Variants in SGCZ observed in about 807,000 individuals in gnomAD.
SGCZ encodes the protein sarcoglycan zeta.
In SGCZ, 40 loss-of-function variants were observed where a neutral mutation model predicts 41.3. The ratio of observed to expected loss-of-function variants is 0.97; its 90% CI spans 0.75 to 1.26. The LOEUF is 1.26. Among genes scored for constraint, SGCZ ranks in the 50% most tolerant of loss-of-function variants. The pLI is 0.00. For synonymous variants in SGCZ, 206 were observed against 137.5 expected, an observed-to-expected ratio of 1.50 and a Z score of -3.49; for missense variants, 552 against 369.8, an observed-to-expected ratio of 1.49 and a Z score of -4.04.
At chr8:14,958,259 G>A (rs988817169) in intron 1 of SGCZ, among the ~76,000 whole-genome samples, 1 of 151,870 alleles carries the variant, frequency 6.6e-6, no homozygotes, top group Admixed American at 6.6e-5. Context: ...TTACCCAAGA[G>A]AAAATATGTA....
At chr8:14,984,964 C>G (rs1392163055) in intron 1 of SGCZ, among the ~76,000 whole-genome samples, 1 of 152,074 alleles carries the variant, frequency 6.6e-6, no homozygotes, top group Non-Finnish European at 1.5e-5. Flanking sequence ...TCTGTAGATT[C>G]CAACAACAAC....
At chr8:14,962,364 A>G (rs1231793655) in intron 1 of SGCZ, among the ~76,000 whole-genome samples, 1 of 150,912 alleles carries the variant, frequency 6.6e-6, no homozygotes, top group Admixed American at 6.6e-5. Context: ...AAAAAAGGGG[A>G]AAAAGTCAAA....
chr8:14,290,023 G>A (rs750799864), intron 3 of SGCZ, among the ~76,000 whole-genome samples: 21 of 151,880 alleles, frequency 1.4e-4, no homozygotes, highest in African/African-American at 2.4e-4. Context: ...GCATTATCAC[G>A]AGAACAGCAT....
At chr8:14,731,613 T>G (rs1032422718) in intron 1 of SGCZ, among the ~76,000 whole-genome samples, 1 of 152,196 alleles carries the variant, frequency 6.6e-6, no homozygotes, top group Non-Finnish European at 1.5e-5. Context: ...GTAATCATGT[T>G]TTACCACATT....
chr8:14,095,610 T>G (rs1801819093), intron 7 of SGCZ, among the ~76,000 whole-genome samples: 1 of 152,160 alleles, frequency 6.6e-6, no homozygotes, highest in African/African-American at 2.4e-5. Flanking sequence ...CCATATGAAG[T>G]TTAAAGTAGT....
intron 1 of SGCZ, among the ~76,000 whole-genome samples, chr8:15,127,255 CAAACAA>C (rs58484807): frequency 0.019 from 1,144 of 59,762 alleles, 13 homozygotes; most frequent in African/African-American, 0.055. Context: ...CACACACACA[CAAACAA>C]ACACACACAC....
rs1322884184 is a variant in SGCZ, at chr8:15,172,152, C to CGGTTTTTTT, written c.39+65432_39+65433insAAAAAAACC. Among the ~76,000 whole-genome samples, 32 of 70,552 alleles carry CGGTTTTTTT rather than the reference C, an allele frequency of 4.5e-4. 1 individual carries two copies. In the East Asian group the frequency reaches 5.0e-3, roughly 11 times the overall value. The allele number at this position is 70,552 out of a possible 152,430, so 46.3% of individuals were successfully genotyped here. On this transcript the variant is annotated intron_variant, in intron 1 of 7. Coordinates refer to ENST00000382080, the MANE Select transcript of SGCZ (RefSeq NM_139167.4). ...AAAGGAAAAAAATGCCTTTTATACT[C>CGGTTTTTTT]TGTTTTTTTTTTTTTTTTTTTTTTT... is the stretch of plus-strand genomic sequence containing the variant.
chr8:14,651,479 A>T (rs1041516546), intron 1 of SGCZ, among the ~76,000 whole-genome samples: 2 of 152,074 alleles, frequency 1.3e-5, no homozygotes, highest in Non-Finnish European at 2.9e-5. Context: ...CAGTGGTATT[A>T]TTATATCACC....
At chr8:14,614,052 T>C (rs1221323997) in intron 1 of SGCZ, among the ~76,000 whole-genome samples, 1 of 152,152 alleles carries the variant, frequency 6.6e-6, no homozygotes, top group African/African-American at 2.4e-5. Flanking sequence ...CCGCTCACAC[T>C]CATTTGAAAG....
At position 15,128,266 on chromosome 8, in the gene SGCZ, GT is replaced by G. The variant is rs145979794; in HGVS notation, c.39+109318del. ...TAATTCAGCTCCCGGTGATGTCTTG[GT>G]TACTCTAAATGGAAATGCTGGGTTC... On this transcript the variant is annotated intron_variant, in intron 1 of 7. Coordinates refer to ENST00000382080, the MANE Select transcript of SGCZ (RefSeq NM_139167.4). Among the ~76,000 whole-genome samples, 1,311 of 152,232 alleles carry G rather than the reference GT, an allele frequency of 8.6e-3. 12 individuals carry two copies. The highest frequency in any genetic ancestry group is 0.029 in the African/African-American group (1,213 of 41,532).
intron 1 of SGCZ, among the ~76,000 whole-genome samples, chr8:14,585,140 T>G (rs528053110): frequency 7.6e-4 from 116 of 152,232 alleles, no homozygotes; most frequent in African/African-American, 2.7e-3. Flanking sequence ...CTAATAAACA[T>G]TAGCTTTTTG....
chr8:14,285,221 T>G (rs1309837022), intron 3 of SGCZ, among the ~76,000 whole-genome samples: 2 of 152,164 alleles, frequency 1.3e-5, no homozygotes, highest in Non-Finnish European at 2.9e-5. Context: ...ATATGTGTCA[T>G]TTCATTCATT....
At chr8:14,491,612 T>C (rs1237215258) in intron 2 of SGCZ, among the ~76,000 whole-genome samples, 1 of 152,218 alleles carries the variant, frequency 6.6e-6, no homozygotes, top group Non-Finnish European at 1.5e-5. Flanking sequence ...TATGAATATA[T>C]GTGTGTTAAT....
intron 1 of SGCZ, among the ~76,000 whole-genome samples, chr8:15,067,985 C>A (rs10888102): frequency 0.88 from 133,254 of 152,130 alleles, 58,675 homozygotes; most frequent in East Asian, 1. Context: ...ATTATGTTCT[C>A]GGCACAGAGT....
chr8:14,407,953 G>A (rs1252095794), intron 2 of SGCZ, among the ~76,000 whole-genome samples: 1 of 152,102 alleles, frequency 6.6e-6, no homozygotes, highest in Non-Finnish European at 1.5e-5. Context: ...TCAGATGAAT[G>A]TGTCAAAGTA....
At chr8:15,202,486 T>C (rs1228579819) in intron 1 of SGCZ, among the ~76,000 whole-genome samples, 3 of 152,136 alleles carry the variant, frequency 2.0e-5, no homozygotes, top group African/African-American at 7.2e-5. Context: ...CAACGGACTT[T>C]GAGGTCTTAG....
chr8:14,950,231 G>C (rs1056702468), intron 1 of SGCZ, among the ~76,000 whole-genome samples: 1 of 152,070 alleles, frequency 6.6e-6, no homozygotes, highest in African/African-American at 2.4e-5. Context: ...AGATAGGCCA[G>C]AGGGTCTTTA....
At chr8:14,650,245 G>A (rs891990832) in intron 1 of SGCZ, among the ~76,000 whole-genome samples, 4 of 152,142 alleles carry the variant, frequency 2.6e-5, no homozygotes, top group Non-Finnish European at 4.4e-5. Flanking sequence ...TAGGAGAAAG[G>A]AAGTGAGAAG....
intron 1 of SGCZ, among the ~76,000 whole-genome samples, chr8:14,560,178 G>T (rs1253779344): frequency 6.6e-6 from 1 of 151,952 alleles, no homozygotes; most frequent in Non-Finnish European, 1.5e-5. Context: ...ATAATTTATT[G>T]CACATTTCAA....
Sources: allele counts gnomAD v4.1 joint callset (sites outside exome capture counted in the v4.1 genomes callset), GRCh38; gene constraint gnomAD v4.1.1; transcripts MANE v1.5; gene names NCBI Gene and HGNC (gene_info 2026-07-23, HGNC 2026-07-21).